The following CC2D2A variants were observed in gnomAD, a reference collection of about 807,000 sequenced individuals.
The protein encoded by CC2D2A is coiled-coil and C2 domain-containing protein 2A.
CC2D2A carries 155 observed loss-of-function variants against 212.9 expected under a neutral mutation model. That is an observed-to-expected ratio of 0.73 (90% confidence interval 0.64 to 0.83). CC2D2A has a LOEUF of 0.83. Among genes scored for constraint, CC2D2A ranks in the 40% least tolerant of loss-of-function variants. The pLI, the probability that CC2D2A is intolerant of heterozygous loss-of-function variation, is 0.00. For missense variants in CC2D2A, 1,856 were observed against 1,956.2 expected, an observed-to-expected ratio of 0.95 and a Z score of 0.97; for synonymous variants, 667 against 686.5, an observed-to-expected ratio of 0.97 and a Z score of 0.44.
chr4:15,519,776 C>T (rs570705937), intron 11 of CC2D2A: 29 of 377,008 alleles, frequency 7.7e-5, no homozygotes, highest in Middle Eastern at 3.7e-4. Context: ...ATCATAAGAA[C>T]GGCGCAGGAA....
At chr4:15,489,262 G>A (rs919841631) in intron 4 of CC2D2A, among the ~76,000 whole-genome samples, 1 of 152,164 alleles carries the variant, frequency 6.6e-6, no homozygotes, top group Non-Finnish European at 1.5e-5. Context: ...GGAGAGACTG[G>A]CCTGGGGTGG....
chr4:15,579,914 G>A (rs578037652), intron 29 of CC2D2A, 54 bp from the exon 30 acceptor site: 47 of 1,415,698 alleles, frequency 3.3e-5, no homozygotes, highest in Non-Finnish European at 4.2e-5. Context: ...ATCTGAACAC[G>A]TACTTTCTCT....
At chr4:15,531,572 G>A (rs369779030) in intron 13 of CC2D2A, among the ~76,000 whole-genome samples, 7 of 152,106 alleles carry the variant, frequency 4.6e-5, no homozygotes, top group Non-Finnish European at 1.0e-4. Flanking sequence ...GGAGTCCACT[G>A]CACCGTCCAG....
intron 18 of CC2D2A, among the ~76,000 whole-genome samples, chr4:15,551,525 A>G (rs2109051056): frequency 6.6e-6 from 1 of 152,174 alleles, no homozygotes; most frequent in Middle Eastern, 3.4e-3. Context: ...TTTGTCCTCC[A>G]AGCCATGAAT....
intron 19 of CC2D2A, among the ~76,000 whole-genome samples, chr4:15,554,097 C>T (rs1379689879): frequency 6.6e-6 from 1 of 152,200 alleles, no homozygotes; most frequent in Non-Finnish European, 1.5e-5. Flanking sequence ...ATAAAAACCA[C>T]AAGGAGATGC....
At chr4:15,560,431 G>C in intron 22 of CC2D2A, 100 bp from the exon 23 acceptor site, 1 of 623,054 alleles carries the variant, frequency 1.6e-6, no homozygotes, top group East Asian at 3.1e-5. Context: ...GGAGGACTGG[G>C]GGGACACTGA....
intron 30 of CC2D2A, among the ~76,000 whole-genome samples, chr4:15,582,269 T>C (rs1376991286): frequency 6.6e-6 from 1 of 151,976 alleles, no homozygotes; most frequent in Admixed American, 6.6e-5. Flanking sequence ...AAGAGAATTA[T>C]TGAACTAGAA....
At chr4:15,556,492 GT>G (rs753062592) in intron 20 of CC2D2A, among the ~76,000 whole-genome samples, 2 of 152,142 alleles carry the variant, frequency 1.3e-5, no homozygotes, top group Non-Finnish European at 2.9e-5. Flanking sequence ...CAATAGACAC[GT>G]CACTTTCATT....
intron 2 of CC2D2A, among the ~76,000 whole-genome samples, chr4:15,478,370 AG>A (rs1714379824): frequency 6.6e-6 from 1 of 152,204 alleles, no homozygotes; most frequent in Non-Finnish European, 1.5e-5. Context: ...CGCCTTTCTT[AG>A]ATTGTAACTT....
intron 6 of CC2D2A, among the ~76,000 whole-genome samples, chr4:15,506,197 A>G (rs1001455833): frequency 1.3e-5 from 2 of 152,218 alleles, no homozygotes; most frequent in African/African-American, 2.4e-5. Context: ...TTAATTTAGC[A>G]TGCTCAATCC....
intron 3 of CC2D2A, 131 bp downstream of exon 3, chr4:15,478,937 G>T: frequency 1.3e-6 from 1 of 758,322 alleles, no homozygotes; most frequent in Non-Finnish European, 2.2e-6. Flanking sequence ...TGCTCTGGGG[G>T]GCTGTGAGGC....
chr4:15,559,669 T>TTTTCCTTTTTTTG (rs1553838709), intron 22 of CC2D2A, among the ~76,000 whole-genome samples: 45 of 151,732 alleles, frequency 3.0e-4, no homozygotes, highest in Non-Finnish European at 5.6e-4. Flanking sequence ...CGTTTGTCCT[T>TTTTCCTTTTTTTG]TTTCCTTCTT....
chr4:15,568,843 G>A (rs1720023190), intron 26 of CC2D2A, among the ~76,000 whole-genome samples: 1 of 152,160 alleles, frequency 6.6e-6, no homozygotes. Flanking sequence ...GTGTGAGGCA[G>A]GGACCATTAG....
At chr4:15,600,821 A>G (rs896933253) in intron 36 of CC2D2A, among the ~76,000 whole-genome samples, 5 of 148,600 alleles carry the variant, frequency 3.4e-5, no homozygotes, top group Non-Finnish European at 5.9e-5. Context: ...GGACCATTTG[A>G]GCCCAGCAGG....
intron 23 of CC2D2A, chr4:15,561,564 T>A (rs1719604200): frequency 6.6e-6 from 1 of 152,226 alleles, no homozygotes; most frequent in Non-Finnish European, 1.5e-5. Context: ...CTTCCTTTTT[T>A]TCTGCTTTAC....
intron 11 of CC2D2A, chr4:15,519,831 A>G: frequency 3.4e-6 from 1 of 294,286 alleles, no homozygotes; most frequent in Non-Finnish European, 6.9e-6. Context: ...AGTTCCTCTC[A>G]TGACATGAGG....
At chr4:15,482,655 G>A (rs1181827065) in intron 4 of CC2D2A, among the ~76,000 whole-genome samples, 2 of 152,184 alleles carry the variant, frequency 1.3e-5, no homozygotes, top group African/African-American at 4.8e-5. Context: ...AATGCAGTCA[G>A]ATTGGGGGAG....
At chr4:15,481,401 C>T (rs568466466) in intron 4 of CC2D2A, 17 of 342,682 alleles carry the variant, frequency 5.0e-5, no homozygotes, top group African/African-American at 2.4e-4. Context: ...ATCCCAGCTA[C>T]TTGGGAGGCT....
Position 15,601,236 on chromosome 4 carries a change from G to C in CC2D2A, c.4675-1G>C, listed in dbSNP as rs764806176. 5 of 1,610,910 alleles carry C rather than the reference G, an allele frequency of 3.1e-6. No individual in the cohort carries two copies. Among genetic ancestry groups the C allele is most frequent in the Non-Finnish European group, 4.2e-6 (5 of 1,178,282 alleles). On this transcript the variant is annotated splice_acceptor_variant, in intron 36 of 36. Coordinates refer to ENST00000424120, the MANE Select transcript of CC2D2A (RefSeq NM_001378615.1). LOFTEE classifies it high-confidence loss of function. ...TGACTACAAATGTTTTTTCCCTTCA[G>C]TTCTCTGGATTTCCTCTTCACATGC...
Sources: gnomAD v4.1 joint callset for allele counts (sites outside exome capture counted in the v4.1 genomes callset) on GRCh38, gnomAD v4.1.1 for gene constraint, MANE v1.5 for transcripts, NCBI Gene and HGNC (gene_info 2026-07-23, HGNC 2026-07-21) for gene names.